The following C2CD3 variants were observed in gnomAD, a reference collection of about 807,000 sequenced individuals.
C2CD3 encodes the protein C2 domain containing 3 centriole elongation regulator.
In C2CD3, 148 loss-of-function variants were observed where a neutral mutation model predicts 234.0. The ratio of observed to expected loss-of-function variants is 0.63; its 90% CI spans 0.55 to 0.72. C2CD3 has a LOEUF of 0.72. Among genes scored for constraint, C2CD3 ranks in the 30% least tolerant of loss-of-function variants. The pLI is 0.00. For missense variants in C2CD3, 2,577 were observed against 2,811.5 expected, an observed-to-expected ratio of 0.92 and a Z score of 1.89; for synonymous variants, 1,000 against 1,035.4, an observed-to-expected ratio of 0.97 and a Z score of 0.66.
At chr11:74,149,277 A>T (rs73561885) in intron 3 of C2CD3, among the ~76,000 whole-genome samples, 15,094 of 152,210 alleles carry the variant, frequency 0.099, 2,073 homozygotes, top group African/African-American at 0.31. Context: ...TTTATAGCTG[A>T]ACAATTAGAA....
intron 23 of C2CD3, among the ~76,000 whole-genome samples, 159 bp downstream of exon 23, chr11:74,077,956 C>G (rs2135465140): frequency 6.6e-6 from 1 of 150,938 alleles, no homozygotes; most frequent in Middle Eastern, 3.4e-3. Flanking sequence ...CTCAATCTCT[C>G]TGAGCCTCCT....
intron 23 of C2CD3, among the ~76,000 whole-genome samples, chr11:74,076,411 A>C (rs1399105475): frequency 2.0e-5 from 3 of 152,242 alleles, no homozygotes; most frequent in Non-Finnish European, 4.4e-5. Context: ...CTGGACAGCA[A>C]TGTTAAGCTG....
intron 26 of C2CD3, 100 bp downstream of exon 26, chr11:74,054,507 G>GAAAAAAAAAAAAAAAAAAAAAAAA (rs869085401): frequency 3.9e-6 from 1 of 253,526 alleles, no homozygotes; most frequent in African/African-American, 3.6e-5. Context: ...ACTTGGTTTG[G>GAAAAAAAAAAAAAAAAAAAAAAAA]AAAAAAAAAA....
At chr11:74,060,911 C>T (rs1368366945) in intron 24 of C2CD3, among the ~76,000 whole-genome samples, 1 of 152,098 alleles carries the variant, frequency 6.6e-6, no homozygotes, top group African/African-American at 2.4e-5. Flanking sequence ...CTAGAATAAA[C>T]AGTGTGGAGA....
chr11:74,034,648 A>G (rs757087669), intron 30 of C2CD3: 4 of 1,502,722 alleles, frequency 2.7e-6, no homozygotes, highest in African/African-American at 1.4e-5. Context: ...TTATTTACCT[A>G]TTTGATGACA....
chr11:74,118,334 C>T lies in C2CD3; in HGVS notation c.1414G>A (p.Val472Ile), dbSNP rs150938512. 410 of 1,612,386 alleles carry T rather than the reference C, an allele frequency of 2.5e-4. No individual in the cohort carries two copies. The African/African-American group carries it at 3.6e-3, about 14-fold the overall frequency. ...GACTGGCTTATTTTTTTAGAAGGGA[C>T]GATATCATCCTCTTCACTGAGGAAA... The part of the protein sequence containing the change: ...SDFLSEEDDI[V>I]PSKKISQSTA... The change falls in exon 9 of 33, where the codon GTC becomes ATC. Residue 472 changes from valine to isoleucine, a missense_variant. Transcript: ENST00000334126.
At chr11:74,074,151 T>A in intron 24 of C2CD3, 102 bp downstream of exon 24, 1 of 790,498 alleles carries the variant, frequency 1.3e-6, no homozygotes, top group South Asian at 1.8e-5. Context: ...TATTTATCAG[T>A]TGAGATAATT....
At chr11:74,097,724 A>G (rs1342720868) in intron 16 of C2CD3, among the ~76,000 whole-genome samples, 3 of 152,242 alleles carry the variant, frequency 2.0e-5, no homozygotes, top group African/African-American at 4.8e-5. Flanking sequence ...TCCACTCCCA[A>G]TCTTTTTTAA....
intron 24 of C2CD3, among the ~76,000 whole-genome samples, chr11:74,065,535 C>T (rs1484320273): frequency 6.6e-6 from 1 of 152,126 alleles, no homozygotes; most frequent in Non-Finnish European, 1.5e-5. Flanking sequence ...ACTAGAAATA[C>T]CATTTGACCC....
intron 5 of C2CD3, among the ~76,000 whole-genome samples, chr11:74,137,657 T>C (rs954444414): frequency 1.5e-4 from 23 of 151,982 alleles, no homozygotes; most frequent in Admixed American, 1.2e-3. Flanking sequence ...CCATCTTGGA[T>C]CACTGCAACC....
intron 12 of C2CD3, 41 bp from the exon 13 acceptor site, chr11:74,106,534 G>C: frequency 6.3e-7 from 1 of 1,586,940 alleles, no homozygotes; most frequent in Non-Finnish European, 8.6e-7. Flanking sequence ...TAATTAAAGA[G>C]AAGCCACAGG....
At chr11:74,119,174 T>G (rs1197163949) in intron 8 of C2CD3, among the ~76,000 whole-genome samples, 1 of 152,154 alleles carries the variant, frequency 6.6e-6, no homozygotes, top group Non-Finnish European at 1.5e-5. Flanking sequence ...CCTCCCAAAG[T>G]GCTGGAATTA....
chr11:74,060,729 C>CACA (rs1954195108), intron 24 of C2CD3, among the ~76,000 whole-genome samples: 1 of 152,200 alleles, frequency 6.6e-6, no homozygotes, highest in Non-Finnish European at 1.5e-5. Context: ...TCCAAAGGAA[C>CACA]ACAGCTCTTC....
intron 3 of C2CD3, among the ~76,000 whole-genome samples, chr11:74,144,572 A>G (rs538219345): frequency 1.2e-4 from 19 of 152,280 alleles, no homozygotes; most frequent in Non-Finnish European, 2.1e-4. Context: ...AGTACCCGAC[A>G]GGTTTTTTGT....
In C2CD3 at chr11:74,042,177, T is replaced by C; in HGVS notation, c.5537A>G (p.His1846Arg). ...TRSQASRHEEHVQNIRRFHES... is the reference protein window; with the variant it reads ...TRSQASRHEERVQNIRRFHES... Reference sequence around the variant, plus strand: ...ATGAAACCGGCGAATGTTCTGCACATGCTCTTCATGGCGTGATGCTTGGCT... The same window carrying C: ...ATGAAACCGGCGAATGTTCTGCACACGCTCTTCATGGCGTGATGCTTGGCT... The change falls in exon 29 of 33, where the codon CAT (histidine) becomes CGT (arginine). Residue 1846 changes from histidine to arginine, a missense_variant. Coordinates refer to ENST00000334126, the MANE Select transcript of C2CD3 (RefSeq NM_001286577.2). 6.2e-7 allele frequency: 1 copy of C among 1,611,796 alleles called. No homozygotes were observed. The highest frequency in any genetic ancestry group is 8.5e-7 in the Non-Finnish European group (1 of 1,179,804).
chr11:74,020,730 T>A (rs1179459945), intron 32 of C2CD3, among the ~76,000 whole-genome samples: 1 of 152,240 alleles, frequency 6.6e-6, no homozygotes, highest in African/African-American at 2.4e-5. Context: ...TGCACATTTG[T>A]TAAAAGATGC....
intron 24 of C2CD3, among the ~76,000 whole-genome samples, chr11:74,070,164 T>C (rs1044284594): frequency 1.3e-5 from 2 of 152,254 alleles, no homozygotes; most frequent in African/African-American, 2.4e-5. Context: ...TTGTCTAATA[T>C]AAGTATACAA....
Position 74,129,680 on chromosome 11 carries a change from G to A in C2CD3, c.1217+3164C>T, listed in dbSNP as rs370379228. On this transcript the variant is annotated intron_variant, in intron 7 of 32. Transcript: ENST00000334126. ...TCACTTCCCAGACGGGGTGGCGGCC[G>A]GGCAGAGGCTGCAATCTCGGCACTT... 38 of 173,060 alleles carry A rather than the reference G, an allele frequency of 2.2e-4. 1 individual carries two copies. Among genetic ancestry groups the A allele is most frequent in the Admixed American group, 1.8e-3 (28 of 15,932 alleles). The allele number at this position is 173,060 out of a possible 1,614,324, so 10.7% of individuals were successfully genotyped here.
intron 7 of C2CD3, among the ~76,000 whole-genome samples, chr11:74,123,561 A>C (rs1957294896): frequency 6.6e-6 from 1 of 152,190 alleles, no homozygotes. Flanking sequence ...CACTTCCAAT[A>C]AACAAAAATA....
Sources: allele counts gnomAD v4.1 joint callset (sites outside exome capture counted in the v4.1 genomes callset), GRCh38; gene constraint gnomAD v4.1.1; transcripts MANE v1.5; gene names NCBI Gene and HGNC (gene_info 2026-07-23, HGNC 2026-07-21).